Variants in REDIC1 observed in about 807,000 individuals in gnomAD.
REDIC1 encodes the protein regulator of DNA class I crossover intermediates 1.
the REDIC1 span, among the ~76,000 whole-genome samples, chr12:39,837,607 T>C: frequency 9.5e-5 from 14 of 147,724 alleles, no homozygotes; most frequent in South Asian, 2.9e-3. Context: ...AAAGGGCTAA[T>C]ATCCAGAATC....
the REDIC1 span, among the ~76,000 whole-genome samples, chr12:39,894,372 C>G: frequency 2.0e-5 from 3 of 152,134 alleles, no homozygotes; most frequent in Non-Finnish European, 4.4e-5. Context: ...TAGAATATCA[C>G]AACAATATTT....
the REDIC1 span, among the ~76,000 whole-genome samples, chr12:39,642,257 G>A: frequency 1.3e-5 from 2 of 151,598 alleles, no homozygotes; most frequent in Non-Finnish European, 3.0e-5. Flanking sequence ...TGGATAATAT[G>A]GGACAAACTT....
chr12:39,794,179 G>C, the REDIC1 span, among the ~76,000 whole-genome samples: 1 of 137,782 alleles, frequency 7.3e-6, no homozygotes, highest in African/African-American at 2.7e-5. Context: ...CTGCAAAATT[G>C]CAAGAGTTGC....
the REDIC1 span, among the ~76,000 whole-genome samples, chr12:39,834,772 T>C: frequency 6.6e-6 from 1 of 152,208 alleles, no homozygotes; most frequent in African/African-American, 2.4e-5. Flanking sequence ...TGACCTGGAA[T>C]TGTTTTTTCA....
the REDIC1 span, among the ~76,000 whole-genome samples, chr12:39,718,928 G>A: frequency 2.6e-5 from 4 of 151,982 alleles, no homozygotes; most frequent in Admixed American, 2.6e-4. Flanking sequence ...GTCATATAAT[G>A]GCTTCACTTT....
chr12:39,776,283 C>T, the REDIC1 span, among the ~76,000 whole-genome samples: 1 of 152,240 alleles, frequency 6.6e-6, no homozygotes, highest in Non-Finnish European at 1.5e-5. Flanking sequence ...ACTGCTTCCC[C>T]GCTTAGGAGC....
the REDIC1 span, among the ~76,000 whole-genome samples, chr12:39,718,661 A>G: frequency 6.6e-6 from 1 of 151,676 alleles, no homozygotes; most frequent in Admixed American, 6.6e-5. Flanking sequence ...TAAATATCCT[A>G]TGTGACATTT....
the REDIC1 span, among the ~76,000 whole-genome samples, chr12:39,881,091 T>C: frequency 6.6e-6 from 1 of 152,244 alleles, no homozygotes; most frequent in East Asian, 1.9e-4. Context: ...CAACAAAACA[T>C]AAAATACTAA....
the REDIC1 span, among the ~76,000 whole-genome samples, chr12:39,686,774 T>C: frequency 6.6e-6 from 1 of 152,218 alleles, no homozygotes; most frequent in African/African-American, 2.4e-5. Flanking sequence ...GCTCTGCTTC[T>C]GTTTTAAATA....
At chr12:39,683,120 C>T in the REDIC1 span, 2 of 1,599,620 alleles carry the variant, frequency 1.3e-6, no homozygotes, top group Non-Finnish European at 1.7e-6. Context: ...GATTACTACC[C>T]AAGCAGCTCT....
At chr12:39,690,576 A>T in the REDIC1 span, among the ~76,000 whole-genome samples, 1 of 152,194 alleles carries the variant, frequency 6.6e-6, no homozygotes, top group Admixed American at 6.5e-5. Flanking sequence ...GAATTAATAT[A>T]TTGAATATGA....
chr12:39,887,977 A>G, the REDIC1 span, among the ~76,000 whole-genome samples: 5 of 152,092 alleles, frequency 3.3e-5, no homozygotes, highest in Non-Finnish European at 7.4e-5. Context: ...TTCGTATCCC[A>G]CATCACCACC....
the REDIC1 span, among the ~76,000 whole-genome samples, chr12:39,774,423 T>C: frequency 6.6e-6 from 1 of 152,190 alleles, no homozygotes; most frequent in Non-Finnish European, 1.5e-5. Flanking sequence ...TATTTAATAA[T>C]CTAAAATGAA....
chr12:39,712,064 G>A, the REDIC1 span, among the ~76,000 whole-genome samples: 5 of 22,408 alleles, frequency 2.2e-4, no homozygotes, highest in African/African-American at 5.1e-4. Context: ...ATATATACAT[G>A]TATATATACC....
chr12:39,752,357 G>A, the REDIC1 span, among the ~76,000 whole-genome samples: 1 of 152,136 alleles, frequency 6.6e-6, no homozygotes, highest in Non-Finnish European at 1.5e-5. Flanking sequence ...CAGTCCTTAT[G>A]AGAATTGAAT....
At chr12:39,706,245 T>G in the REDIC1 span, among the ~76,000 whole-genome samples, 1 of 151,894 alleles carries the variant, frequency 6.6e-6, no homozygotes, top group African/African-American at 2.4e-5. Flanking sequence ...ACCTAGGAAT[T>G]AACCAAGGAA....
At chr12:39,750,216 A>G in the REDIC1 span, among the ~76,000 whole-genome samples, 1 of 152,264 alleles carries the variant, frequency 6.6e-6, no homozygotes, top group Non-Finnish European at 1.5e-5. Context: ...CAACTTCAGC[A>G]AAGTCTCAGG....
the REDIC1 span, among the ~76,000 whole-genome samples, chr12:39,852,142 T>G: frequency 6.6e-6 from 1 of 152,130 alleles, no homozygotes; most frequent in East Asian, 1.9e-4. Context: ...TGTTATGAGG[T>G]TTGTATAAAA....
the REDIC1 span, among the ~76,000 whole-genome samples, chr12:39,765,525 A>G: frequency 6.6e-6 from 1 of 152,036 alleles, no homozygotes. Flanking sequence ...AAACATTCCT[A>G]TCCCCTATTG....
Sources: gnomAD v4.1 joint callset for allele counts (sites outside exome capture counted in the v4.1 genomes callset) on GRCh38, gnomAD v4.1.1 for gene constraint, MANE v1.5 for transcripts, NCBI Gene and HGNC (gene_info 2026-07-23, HGNC 2026-07-21) for gene names.